The following IQCM variants were observed in gnomAD, a reference collection of about 807,000 sequenced individuals.
IQCM encodes the protein IQ motif containing M.
Under a neutral mutation model 57.6 loss-of-function variants are expected in IQCM, and 45 were observed. The ratio of observed to expected loss-of-function variants is 0.78; its 90% CI spans 0.62 to 1.00. IQCM has a LOEUF of 1.00. Among genes scored for constraint, IQCM ranks in the 50% least tolerant of loss-of-function variants. The pLI is 0.00. For missense variants in IQCM, 468 were observed against 511.6 expected, an observed-to-expected ratio of 0.91 and a Z score of 0.82; for synonymous variants, 148 against 158.9, an observed-to-expected ratio of 0.93 and a Z score of 0.51.
At chr4:149,474,116 A>T (rs1739909679) in intron 12 of IQCM, among the ~76,000 whole-genome samples, 1 of 152,158 alleles carries the variant, frequency 6.6e-6, no homozygotes, top group African/African-American at 2.4e-5. Flanking sequence ...CTAGAACTTA[A>T]AGTATAATAA....
chr4:149,735,351 C>T, intron 4 of IQCM, 25 bp downstream of exon 4: 1 of 1,159,782 alleles, frequency 8.6e-7, no homozygotes, highest in Non-Finnish European at 1.1e-6. Context: ...TAAAATGTAA[C>T]ATTAGATAAA....
In IQCM at chr4:149,733,270, C is replaced by A. The variant is rs1257291478; in HGVS notation, c.359G>T (p.Cys120Phe). 2.4e-6 allele frequency: 3 copies of A among 1,231,770 alleles called. No homozygotes were observed. In the East Asian group the frequency reaches 9.5e-5, roughly 39 times the overall value. 76.3% of individuals were successfully genotyped at this position (1,231,770 alleles called of 1,614,324 possible). Residue 120 changes from cysteine to phenylalanine, a missense_variant, in exon 5 of 14, where the codon TGC becomes TTC. Cys to Phe is a radical substitution (Grantham distance 205, BLOSUM62 -2). Coordinates refer to ENST00000636793, the MANE Select transcript of IQCM (RefSeq NM_001363507.2). ...EPHIFSRRER[C>F]RPIDLITKGQ... is the part of the protein sequence containing the mutation. ...TTTTGTAATTAGATCTATGGGCCTG[C>A]ATCTTTCTCTTCTACTAAAAATGTG...
intron 12 of IQCM, chr4:149,514,407 A>T (rs914519098): frequency 3.3e-5 from 5 of 152,248 alleles, no homozygotes; most frequent in Admixed American, 2.0e-4. Context: ...AGTATCACAT[A>T]CTAAAATACT....
intron 12 of IQCM, among the ~76,000 whole-genome samples, chr4:149,496,880 G>A (rs1049067738): frequency 6.6e-6 from 1 of 152,020 alleles, no homozygotes; most frequent in Non-Finnish European, 1.5e-5. Context: ...GCATGCCAAG[G>A]CCTCCTTTGG....
At chr4:149,526,595 G>C (rs116428726) in intron 12 of IQCM, among the ~76,000 whole-genome samples, 249 of 152,038 alleles carry the variant, frequency 1.6e-3, no homozygotes, top group African/African-American at 5.8e-3. Flanking sequence ...AAACCTACTT[G>C]TCTGTGCAAT....
intron 12 of IQCM, among the ~76,000 whole-genome samples, chr4:149,475,550 A>C (rs1390507495): frequency 6.6e-6 from 1 of 152,086 alleles, no homozygotes; most frequent in African/African-American, 2.4e-5. Context: ...AGAGCCATAA[A>C]ATGGAAGAGA....
At chr4:149,602,035 CAAAA>C (rs1236897737) in intron 8 of IQCM, among the ~76,000 whole-genome samples, 8 of 35,450 alleles carry the variant, frequency 2.3e-4, no homozygotes, top group African/African-American at 6.8e-4. Flanking sequence ...GCCTGGGCGA[CAAAA>C]AAAAAAAAAA....
chr4:149,386,216 T>C (rs542116222), intron 13 of IQCM, among the ~76,000 whole-genome samples: 15 of 152,196 alleles, frequency 9.9e-5, no homozygotes, highest in South Asian at 2.1e-4. Context: ...GATTGAATAA[T>C]TGAAAACTCT....
chr4:149,357,977 A>T lies in IQCM; in HGVS notation c.1391-5911T>A, dbSNP rs192006696. 2.4e-4 allele frequency among the ~76,000 whole-genome samples: 37 copies of T among 152,040 alleles called. No homozygotes were observed. The East Asian group carries it at 3.3e-3, about 14-fold the overall frequency. On this transcript the variant is annotated intron_variant, in intron 13 of 13. Transcript: ENST00000636793. ...CTTCTTCCTGGTTTAGTTTTGGGAG[A>T]GTGTATGTGTCGAGGAATTTATCCA...
intron 2 of IQCM, among the ~76,000 whole-genome samples, chr4:149,771,201 T>A (rs1170213561): frequency 6.6e-6 from 1 of 152,068 alleles, no homozygotes; most frequent in African/African-American, 2.4e-5. Flanking sequence ...CAGAATATCA[T>A]TGCCTGCCAA....
In IQCM at chr4:149,791,841, G is replaced by T. The variant is rs115640064; in HGVS notation, c.-49+23470C>A. 1.2e-3 allele frequency among the ~76,000 whole-genome samples: 183 copies of T among 152,214 alleles called. 2 individuals are homozygous for T. The highest frequency in any genetic ancestry group is 4.4e-3 in the African/African-American group (182 of 41,540). On this transcript the variant is annotated intron_variant, in intron 2 of 13. Coordinates refer to ENST00000636793, the MANE Select transcript of IQCM (RefSeq NM_001363507.2). ...TTGCAAACAGTCATTATTGCAAACA[G>T]TACATATTTAAGCTATCACATTGGA...
chr4:149,494,376 C>T (rs945475713), intron 12 of IQCM, among the ~76,000 whole-genome samples: 5 of 152,114 alleles, frequency 3.3e-5, no homozygotes, highest in Non-Finnish European at 5.9e-5. Context: ...GTATGAATGT[C>T]ATTCAAAGCT....
In IQCM at chr4:149,697,591, C is replaced by T. The variant is rs560576850; in HGVS notation, c.386-11123G>A. ...CAAATTTACCAGCACACCATTGGTCCTTCTTGTCCTTCAGATCTCAAATCA... is the reference window on the plus strand; with the variant it reads ...CAAATTTACCAGCACACCATTGGTCTTTCTTGTCCTTCAGATCTCAAATCA... On this transcript the variant is annotated intron_variant, in intron 5 of 13. Transcript: ENST00000636793. 5.4e-4 allele frequency among the ~76,000 whole-genome samples: 82 copies of T among 152,162 alleles called. 1 individual carries two copies. The South Asian group carries it at 0.015, about 28-fold the overall frequency.
At chr4:149,687,749 C>A (rs1166762738) in intron 5 of IQCM, among the ~76,000 whole-genome samples, 2 of 151,836 alleles carry the variant, frequency 1.3e-5, no homozygotes, top group African/African-American at 4.8e-5. Context: ...AGATAAGCCA[C>A]CATGATCAAG....
intron 5 of IQCM, among the ~76,000 whole-genome samples, chr4:149,716,238 G>T (rs1369501901): frequency 6.6e-6 from 1 of 152,212 alleles, no homozygotes. Context: ...TCCGTCCCAT[G>T]CTTGTTGGTG....
chr4:149,645,131 T>A (rs1758527158), intron 7 of IQCM, among the ~76,000 whole-genome samples: 1 of 152,232 alleles, frequency 6.6e-6, no homozygotes, highest in Non-Finnish European at 1.5e-5. Flanking sequence ...AGTTTTCTGT[T>A]GGGTTCCTCC....
At chr4:149,414,656 TA>T (rs1196469457) in intron 13 of IQCM, among the ~76,000 whole-genome samples, 1 of 152,100 alleles carries the variant, frequency 6.6e-6, no homozygotes, top group African/African-American at 2.4e-5. Flanking sequence ...ATTTTATAGA[TA>T]TTTTTCAATT....
chr4:149,373,759 G>T (rs1013887510), intron 13 of IQCM, among the ~76,000 whole-genome samples: 1 of 151,560 alleles, frequency 6.6e-6, no homozygotes, highest in African/African-American at 2.4e-5. Context: ...GGATATTGTG[G>T]GTTGACTCCT....
At chr4:149,742,028 G>T (rs1008213629) in intron 3 of IQCM, among the ~76,000 whole-genome samples, 2 of 151,860 alleles carry the variant, frequency 1.3e-5, no homozygotes, top group Non-Finnish European at 2.9e-5. Context: ...TTTTCTGGTA[G>T]ACATACTAAA....
Sources: allele counts gnomAD v4.1 joint callset (sites outside exome capture counted in the v4.1 genomes callset), GRCh38; gene constraint gnomAD v4.1.1; transcripts MANE v1.5; gene names NCBI Gene and HGNC (gene_info 2026-07-23, HGNC 2026-07-21).